Variants in ARHGAP19 observed in about 807,000 individuals in gnomAD.
ARHGAP19 encodes the protein rho GTPase-activating protein 19.
In ARHGAP19, 48 loss-of-function variants were observed where a neutral mutation model predicts 60.9. The ratio of observed to expected loss-of-function variants is 0.79; its 90% CI spans 0.62 to 1.00. The LOEUF (loss-of-function observed/expected upper bound fraction) is 1.00, where lower values mean the gene tolerates loss of function less well. ARHGAP19 is among the 50% of genes least tolerant of loss of function. ARHGAP19 has a pLI of 0.00. For missense variants in ARHGAP19, 562 were observed against 597.2 expected (o/e 0.94, Z 0.61); for synonymous variants, 209 against 215.5 (o/e 0.97, Z 0.27).
rs1177451918 is a variant in ARHGAP19 at position 97,222,737 on chromosome 10, C to T, written c.*3385G>A. 1.3e-5 allele frequency: 2 copies of T among 152,080 alleles called. No homozygotes were observed. Among genetic ancestry groups the T allele is most frequent in the Non-Finnish European group, 2.9e-5 (2 of 68,024 alleles). 9.4% of individuals were successfully genotyped at this position (152,080 alleles called of 1,614,324 possible). ...AGGTTTAGATCTAGGTCCTGTCTTC[C>T]GTTTGAAGCCTTCAGGGTAAAGGAG... On this transcript the variant is annotated 3_prime_UTR_variant, in exon 12 of 12. Coordinates refer to ENST00000358531, the MANE Select transcript of ARHGAP19 (RefSeq NM_032900.6).
intron 9 of ARHGAP19, among the ~76,000 whole-genome samples, chr10:97,231,059 C>CAAAAAAAAAAAAAAAAAAAAAAAAAAAAA (rs869291841): frequency 1.7e-5 from 1 of 59,764 alleles, no homozygotes; most frequent in Non-Finnish European, 2.9e-5. Flanking sequence ...CTTGTCTCAC[C>CAAAAAAAAAAAAAAAAAAAAAAAAAAAAA]AAAAAAAAAA....
chr10:97,233,627 G>A lies in ARHGAP19; in HGVS notation c.1284+1590C>T, dbSNP rs1851068518. 9.2e-5 allele frequency among the ~76,000 whole-genome samples: 14 copies of A among 152,302 alleles called. No individual in the cohort carries two copies. In the South Asian group the frequency reaches 2.9e-3, roughly 32 times the overall value. On this transcript the variant is annotated intron_variant, in intron 9 of 11. Coordinates refer to ENST00000358531, the MANE Select transcript of ARHGAP19 (RefSeq NM_032900.6). ...TCATGCCTATAATCCCAGTACTTTG[G>A]AAGGCCAAGGCGGGTGGATCACTTG...
At chr10:97,226,248 A>G in intron 11 of ARHGAP19, 116 bp from the exon 12 acceptor site, 1 of 1,002,182 alleles carries the variant, frequency 1.0e-6, no homozygotes, top group Non-Finnish European at 1.5e-6. Flanking sequence ...CTGAAGGCTA[A>G]TGAGTTTAAT....
chr10:97,281,178 T>C (rs1370956228), intron 1 of ARHGAP19, among the ~76,000 whole-genome samples: 1 of 149,800 alleles, frequency 6.7e-6, no homozygotes, highest in Non-Finnish European at 1.5e-5. Flanking sequence ...AGCCTAGGAG[T>C]TCAAGACCAG....
chr10:97,255,030 T>A (rs1350000904), intron 6 of ARHGAP19, among the ~76,000 whole-genome samples: 1 of 152,036 alleles, frequency 6.6e-6, no homozygotes. Context: ...TTCATAGAGA[T>A]GGAAGGTAGA....
chr10:97,246,079 G>C (rs191052481), intron 7 of ARHGAP19, among the ~76,000 whole-genome samples, 193 bp downstream of exon 7: 9 of 152,186 alleles, frequency 5.9e-5, no homozygotes, highest in Non-Finnish European at 1.0e-4. Flanking sequence ...CCTCACATGT[G>C]GAGCATTTGT....
chr10:97,249,093 T>C (rs1842605058), intron 6 of ARHGAP19, among the ~76,000 whole-genome samples: 1 of 152,190 alleles, frequency 6.6e-6, no homozygotes, highest in African/African-American at 2.4e-5. Context: ...CATGAGTTTA[T>C]ATTAATATTC....
intron 5 of ARHGAP19, 102 bp from the exon 6 acceptor site, chr10:97,256,506 C>G (rs747956686): frequency 1.2e-6 from 1 of 814,052 alleles, no homozygotes; most frequent in Non-Finnish European, 2.1e-6. Context: ...CTATCCCTAG[C>G]CTAGGTGCCT....
chr10:97,227,651 A>G (rs894021626), intron 11 of ARHGAP19, among the ~76,000 whole-genome samples: 3 of 152,208 alleles, frequency 2.0e-5, no homozygotes, highest in Admixed American at 6.5e-5. Context: ...GCCTGATCCA[A>G]TTGAGGGTCA....
intron 8 of ARHGAP19, among the ~76,000 whole-genome samples, chr10:97,237,757 G>A (rs566478895): frequency 6.6e-6 from 1 of 152,036 alleles, no homozygotes; most frequent in South Asian, 2.1e-4. Flanking sequence ...TGTAATCCCA[G>A]CTACTCGGGA....
In ARHGAP19 at chr10:97,272,835, G is replaced by A. The variant is rs201846508; in HGVS notation, c.57-6710C>T. 2.1e-5 allele frequency among the ~76,000 whole-genome samples: 3 copies of A among 143,272 alleles called. No homozygotes were observed. The East Asian group carries it at 6.1e-4, about 29-fold the overall frequency. The allele number at this position is 143,272 out of a possible 152,430, so 94.0% of individuals were successfully genotyped here. On this transcript the variant is annotated intron_variant, in intron 1 of 11. Transcript: ENST00000358531. ...TTTGTTGAACCTCTCTATTGATTAT[G>A]TTTGTTGTTTTTTTTTTTTTTTTGA...
intron 4 of ARHGAP19, among the ~76,000 whole-genome samples, chr10:97,261,621 T>C (rs1353102638): frequency 1.3e-5 from 2 of 152,202 alleles, no homozygotes; most frequent in Admixed American, 6.5e-5. Flanking sequence ...ATCATTTGGA[T>C]TGCTACTAAA....
chr10:97,279,034 T>A (rs1356342437), intron 1 of ARHGAP19, among the ~76,000 whole-genome samples: 1 of 152,208 alleles, frequency 6.6e-6, no homozygotes, highest in African/African-American at 2.4e-5. Context: ...CTTACTGCTT[T>A]TTCAACTCTA....
chr10:97,281,065 C>T (rs993602453), intron 1 of ARHGAP19, among the ~76,000 whole-genome samples: 2 of 152,094 alleles, frequency 1.3e-5, no homozygotes, highest in African/African-American at 2.4e-5. Flanking sequence ...TTCATATCTA[C>T]ACAAGTTCAC....
chr10:97,256,742 A>C (rs1842757498), intron 5 of ARHGAP19, among the ~76,000 whole-genome samples: 1 of 152,216 alleles, frequency 6.6e-6, no homozygotes, highest in Non-Finnish European at 1.5e-5. Context: ...CAAGGACACC[A>C]CTGCCTCTTT....
At chr10:97,243,903 C>T in intron 8 of ARHGAP19, 65 bp downstream of exon 8, 1 of 1,406,598 alleles carries the variant, frequency 7.1e-7, no homozygotes, top group Non-Finnish European at 9.6e-7. Context: ...ACAATATGAC[C>T]TACTGATTCT....
At position 97,244,090 on chromosome 10, in the gene ARHGAP19, G is replaced by A. The variant is rs749253390; in HGVS notation, c.1063C>T (p.Arg355Trp). The A allele has an allele frequency of 5.0e-5, 81 of 1,613,824 alleles. No homozygotes were observed. The highest frequency in any genetic ancestry group is 1.6e-4 in the Middle Eastern group (1 of 6,084). ...FQLAKSQKRN[R>W]VDSCPHQEET... Reference sequence around the variant, plus strand: ...TCCTGGTGAGGGCAGGAATCTACCCGGTTCCGTTTCTGAGACTTTGCCAGC... The same window carrying A: ...TCCTGGTGAGGGCAGGAATCTACCCAGTTCCGTTTCTGAGACTTTGCCAGC... The change falls in exon 8 of 12, where the codon CGG (arginine) becomes TGG (tryptophan). Residue 355 changes from arginine (R) to tryptophan (W), a missense_variant. Physicochemically the swap from Arg to Trp is moderately radical, Grantham distance 101. Transcript: ENST00000358531.
At chr10:97,248,393 G>A (rs1372786166) in intron 6 of ARHGAP19, among the ~76,000 whole-genome samples, 1 of 151,578 alleles carries the variant, frequency 6.6e-6, no homozygotes, top group Admixed American at 6.6e-5. Flanking sequence ...CAGCCTGGGT[G>A]ACAGAGTGAA....
At chr10:97,228,339 C>T (rs1036798471) in intron 11 of ARHGAP19, among the ~76,000 whole-genome samples, 24 of 152,174 alleles carry the variant, frequency 1.6e-4, no homozygotes, top group African/African-American at 5.6e-4. Flanking sequence ...CAGGTTTCAG[C>T]CCGTTTTCTA....
Sources: allele counts gnomAD v4.1 joint callset (sites outside exome capture counted in the v4.1 genomes callset), GRCh38; gene constraint gnomAD v4.1.1; transcripts MANE v1.5; gene names NCBI Gene and HGNC (gene_info 2026-07-23, HGNC 2026-07-21).